The following DNAAF1 variants were observed in gnomAD, a reference collection of about 807,000 sequenced individuals.
DNAAF1 encodes dynein assembly factor 1, axonemal.
Under a neutral mutation model 71.1 loss-of-function variants are expected in DNAAF1, and 65 were observed. The ratio of observed to expected loss-of-function variants is 0.91; its 90% confidence interval spans 0.75 to 1.12. DNAAF1 has a LOEUF of 1.12. Ranked by LOEUF, DNAAF1 falls within the 50% of genes most tolerant of loss-of-function variation. The probability of loss-of-function intolerance (pLI) is 0.00; values close to 1 mark genes in which losing one functional copy is unlikely to be tolerated. For missense variants in DNAAF1, 1,178 were observed against 899.8 expected, an observed-to-expected ratio of 1.31 and a Z score of -3.96; for synonymous variants, 414 against 354.6, an observed-to-expected ratio of 1.17 and a Z score of -1.88.
intron 11 of DNAAF1, chr16:84,177,472 G>A (rs756676521): frequency 2.4e-6 from 1 of 409,906 alleles, no homozygotes; most frequent in South Asian, 2.0e-5. Flanking sequence ...GGTATTATAG[G>A]GGCCTGCCAC....
chr16:84,162,835 G>C (rs1381703451), intron 6 of DNAAF1, among the ~76,000 whole-genome samples: 2 of 151,638 alleles, frequency 1.3e-5, no homozygotes, highest in East Asian at 3.9e-4. Flanking sequence ...AAAAAAAAAA[G>C]AAATACCATC....
At position 84,174,361 on chromosome 16, in the gene DNAAF1, A is replaced by T. The variant is rs142410397; in HGVS notation, c.1645-308A>T. ...AGGTGCATTTGGTTTGGGTCCCATTATTTCCCCCAAGATGAACTGGCTGTG... is the reference window on the plus strand; with the variant it reads ...AGGTGCATTTGGTTTGGGTCCCATTTTTTCCCCCAAGATGAACTGGCTGTG... On this transcript the variant is annotated intron_variant, in intron 9 of 11. Coordinates refer to ENST00000378553, the MANE Select transcript of DNAAF1 (RefSeq NM_178452.6). 0.021 allele frequency: 27,430 copies of T among 1,284,090 alleles called. 352 individuals carry two copies. The highest frequency in any genetic ancestry group is 0.026 in the Admixed American group (778 of 29,578). The allele number at this position is 1,284,090 out of a possible 1,614,324, so 79.5% of individuals were successfully genotyped here.
rs768580833 is a variant in DNAAF1, at chr16:84,154,604, A to T, written c.380A>T (p.Glu127Val). The T allele has an allele frequency of 1.6e-5, 26 of 1,614,052 alleles. No homozygotes were observed. The highest frequency in any genetic ancestry group is 2.2e-5 in the Non-Finnish European group (26 of 1,180,044). The change falls in exon 4 of 12, where the codon GAG (glutamate) becomes GTG (valine). Residue 127 changes from glutamate to valine, a missense_variant. Glu to Val is a moderately radical substitution (Grantham distance 121). Coordinates refer to ENST00000378553, the MANE Select transcript of DNAAF1 (RefSeq NM_178452.6). ...KGFDRIENLE[E>V]YTGLRCLWLQ... is the part of the protein sequence containing the mutation. ...TTTGATCGCATTGAGAACCTGGAAG[A>T]GTACACAGGGCTGCGCTGTCTCTGG... is the stretch of plus-strand genomic sequence containing the variant.
chr16:84,163,383 C>CT lies in DNAAF1; in HGVS notation c.864-2385dup, dbSNP rs71382897. On this transcript the variant is annotated intron_variant, in intron 6 of 11. Coordinates refer to ENST00000378553, the MANE Select transcript of DNAAF1 (RefSeq NM_178452.6). ...TTTTTTCCTCTCTCTCTCTCTTTTTCTTTTTTTTTTTTTTTAAGATGGAGT... is the reference window on the plus strand; with the variant it reads ...TTTTTTCCTCTCTCTCTCTCTTTTTCTTTTTTTTTTTTTTTTAAGATGGAGT... Among the ~76,000 whole-genome samples, 260 of 135,548 alleles carry CT rather than the reference C, an allele frequency of 1.9e-3. 2 individuals are homozygous for CT. The highest frequency in any genetic ancestry group is 1.3e-3 in the Admixed American group (18 of 13,482). 88.9% of individuals were successfully genotyped at this position (135,548 alleles called of 152,430 possible). A position where few individuals can be genotyped will look rare whatever the true frequency, so the allele number is the denominator to read the frequency against.
At chr16:84,176,420 G>GGACAGACCACACAGATCCTCT (rs2088663554) in intron 11 of DNAAF1, 121 bp downstream of exon 11, 1 of 1,437,680 alleles carries the variant, frequency 7.0e-7, no homozygotes, top group African/African-American at 1.4e-5. Context: ...GGGTCACCCA[G>GGACAGACCACACAGATCCTCT]GACAGACCAC....
chr16:84,158,069 G>A (rs1263231744), intron 5 of DNAAF1, among the ~76,000 whole-genome samples: 4 of 152,076 alleles, frequency 2.6e-5, no homozygotes, highest in South Asian at 2.1e-4. Flanking sequence ...GCCGGGCGTG[G>A]TGGCATGCAC....
intron 9 of DNAAF1, 110 bp downstream of exon 9, chr16:84,172,485 C>T: frequency 2.0e-6 from 3 of 1,528,648 alleles, no homozygotes; most frequent in Non-Finnish European, 2.6e-6. Context: ...GGTCCTTGGG[C>T]CGGCAGGCCT....
intron 9 of DNAAF1, chr16:84,172,772 ATACATTG>A: frequency 9.0e-7 from 1 of 1,112,078 alleles, no homozygotes; most frequent in South Asian, 2.4e-5. Context: ...TTGTATCTTT[ATACATTG>A]TATCTTTTCC....
In DNAAF1 at chr16:84,159,707, C is replaced by T. The variant is rs1336716705; in HGVS notation, c.774C>T (p.Ile258=). The change falls in exon 6 of 12, where the codon ATC becomes ATT. Residue 258 remains isoleucine, a synonymous_variant. Coordinates refer to ENST00000378553, the MANE Select transcript of DNAAF1 (RefSeq NM_178452.6). ...RVLNLMGNPV[I]RQIPNYRRTV... is the part of the protein sequence containing the mutation. ...TGAATTTGATGGGAAACCCGGTTAT[C>T]AGACAGATTCCTAATTACAGAAGGA... 1 of 1,613,794 alleles carries T rather than the reference C, an allele frequency of 6.2e-7. No individual in the cohort carries two copies. The highest frequency in any genetic ancestry group is 1.3e-5 in the African/African-American group (1 of 74,904).
At chr16:84,172,982 G>A (rs777107670) in intron 9 of DNAAF1, 17 of 996,408 alleles carry the variant, frequency 1.7e-5, no homozygotes, top group Non-Finnish European at 1.9e-5. Flanking sequence ...GGTACCATGG[G>A]AATTCACACA....
Position 84,146,012 on chromosome 16 carries a change from G to A in DNAAF1, c.124+448G>A, listed in dbSNP as rs541328211. ...CTTGGGAGGCTGAGGCAGGAGAATC[G>A]CTTGAACCCGGGAGGCGGAGGTTGC... is the stretch of plus-strand genomic sequence containing the variant. On this transcript the variant is annotated intron_variant, in intron 1 of 11. Transcript: ENST00000378553. Among the ~76,000 whole-genome samples, 443 of 152,040 alleles carry A rather than the reference G, an allele frequency of 2.9e-3. 1 individual carries two copies. The highest frequency in any genetic ancestry group is 0.01 in the African/African-American group (422 of 41,466).
Position 84,177,716 on chromosome 16 carries a change from C to G in DNAAF1, c.2066-13C>G. On this transcript the variant is annotated splice_polypyrimidine_tract_variant and intron_variant, in intron 11 of 11. Transcript: ENST00000378553. ...TGACAGGGAGAAAGCACAGGTCACC[C>G]TTCCTTCCACAGTGCCGACTGAGAG... The G allele has an allele frequency of 3.1e-6, 5 of 1,610,188 alleles. No homozygotes were observed. The highest frequency in any genetic ancestry group is 4.2e-6 in the Non-Finnish European group (5 of 1,176,806).
chr16:84,177,783 C>T lies in DNAAF1; in HGVS notation c.2120C>T (p.Pro707Leu), dbSNP rs757455850. 3.0e-5 allele frequency: 49 copies of T among 1,613,960 alleles called. No homozygotes were observed. In the Admixed American group the frequency reaches 7.3e-4, roughly 24 times the overall value. ...PPETCVGVAQPSQALPTWDLT... is the reference protein window; with the variant it reads ...PPETCVGVAQLSQALPTWDLT... Reference sequence around the variant, plus strand: ...GAGACGTGTGTCGGAGTTGCCCAGCCCAGCCAAGCTCTGCCCACGTGGGAC... The same window carrying T: ...GAGACGTGTGTCGGAGTTGCCCAGCTCAGCCAAGCTCTGCCCACGTGGGAC... Residue 707 changes from proline to leucine, a missense_variant, in exon 12 of 12, where the codon CCC becomes CTC. Pro to Leu is a moderately conservative substitution (Grantham distance 98, BLOSUM62 -3). Coordinates refer to ENST00000378553, the MANE Select transcript of DNAAF1 (RefSeq NM_178452.6).
chr16:84,170,275 G>A lies in DNAAF1; in HGVS notation c.1447G>A (p.Gly483Arg), dbSNP rs1302436499. Residue 483 changes from glycine (G) to arginine (R), a missense_variant, in exon 8 of 12, where the codon GGA (glycine) becomes AGA (arginine). By Grantham distance (125) the Gly-to-Arg change is moderately radical. Transcript: ENST00000378553. Reference protein sequence around the residue: ...LLLSPPVKVKGEDGDREPEGT... With the variant: ...LLLSPPVKVKREDGDREPEGT... ...ACTGTCACCGCCTGTGAAGGTTAAA[G>A]GAGAGGATGGAGATCGAGAGCCAGA... is the stretch of plus-strand genomic sequence containing the variant. The A allele has an allele frequency of 1.9e-6, 3 of 1,609,288 alleles. No homozygotes were observed. Among genetic ancestry groups the A allele is most frequent in the Non-Finnish European group, 2.5e-6 (3 of 1,177,934 alleles).
Position 84,155,700 on chromosome 16 carries a change from A to G in DNAAF1, c.692A>G (p.Lys231Arg), listed in dbSNP as rs1238582063. 3 of 1,614,076 alleles carry G rather than the reference A, an allele frequency of 1.9e-6. No homozygotes were observed. The highest frequency in any genetic ancestry group is 2.5e-6 in the Non-Finnish European group (3 of 1,180,038). ...TGTGTCCTTGACCTTTCGCACAACA[A>G]GCTGAGTGACCCGGAGATCCTGAGC... ...RLCVLDLSHN[K>R]LSDPEILSIL... is the part of the protein sequence containing the mutation. Residue 231 changes from lysine (K) to arginine (R), a missense_variant, in exon 5 of 12, where the codon AAG becomes AGG. Transcript: ENST00000378553.
rs527403485 is a variant in DNAAF1, at chr16:84,177,016, A to G, written c.2066-713A>G. The G allele has an allele frequency of 2.1e-4, 34 of 164,900 alleles. No homozygotes were observed. The East Asian group carries it at 4.9e-3, about 24-fold the overall frequency. The allele number at this position is 164,900 out of a possible 1,614,324, so 10.2% of individuals were successfully genotyped here. ...TCATTCAGCATCTGCCTTCAGGTGC[A>G]CTCCCAAATTGGGGGCTGTGTGGAG... On this transcript the variant is annotated intron_variant, in intron 11 of 11. Coordinates refer to ENST00000378553, the MANE Select transcript of DNAAF1 (RefSeq NM_178452.6).
chr16:84,154,766 G>C lies in DNAAF1; in HGVS notation c.542G>C (p.Ser181Thr), dbSNP rs1266968431. 1 of 1,614,094 alleles carries C rather than the reference G, an allele frequency of 6.2e-7. No homozygotes were observed. ...PLQKLDALNL[S>T]NNYIKTIENL... The stretch of plus-strand genomic sequence containing the variant: ...CAGAAACTGGATGCTCTTAACCTCA[G>C]CAACAATTACATCAAGACCATTGAA... The change falls in exon 4 of 12, where the codon AGC (serine) becomes ACC (threonine). Residue 181 changes from serine (S) to threonine (T), a missense_variant. Coordinates refer to ENST00000378553, the MANE Select transcript of DNAAF1 (RefSeq NM_178452.6).
intron 5 of DNAAF1, among the ~76,000 whole-genome samples, chr16:84,156,050 G>A (rs1397194062): frequency 2.0e-5 from 3 of 151,982 alleles, no homozygotes; most frequent in Non-Finnish European, 2.9e-5. Flanking sequence ...TGCAACCTCT[G>A]CCTCTGGGTT....
chr16:84,146,186 A>G (rs2086897825), intron 1 of DNAAF1, among the ~76,000 whole-genome samples: 1 of 152,026 alleles, frequency 6.6e-6, no homozygotes, highest in Admixed American at 6.5e-5. Context: ...CTAACCCACC[A>G]CGCTATTCTC....
Sources: gnomAD v4.1 joint callset for allele counts (sites outside exome capture counted in the v4.1 genomes callset) on GRCh38, gnomAD v4.1.1 for gene constraint, MANE v1.5 for transcripts, NCBI Gene and HGNC (gene_info 2026-07-23, HGNC 2026-07-21) for gene names.